Variants in PIAS2 observed in about 807,000 individuals in gnomAD.
PIAS2 encodes protein inhibitor of activated STAT 2, also known as E3 SUMO-protein ligase PIAS2.
Under a neutral mutation model 69.7 loss-of-function variants are expected in PIAS2, and 19 were observed. The ratio of observed to expected loss-of-function variants is 0.27; its 90% CI spans 0.19 to 0.40. PIAS2 has a LOEUF of 0.40. Ranked by LOEUF, PIAS2 falls within the 10% of genes least tolerant of loss-of-function variation. The pLI, the probability that PIAS2 is intolerant of heterozygous loss-of-function variation, is 1.00. For synonymous variants in PIAS2, 261 were observed against 263.2 expected (o/e 0.99, Z 0.08); for missense variants, 624 against 757.0 (o/e 0.82, Z 2.06).
chr18:46,902,598 T>C (rs145301176), intron 1 of PIAS2, among the ~76,000 whole-genome samples: 1 of 152,182 alleles, frequency 6.6e-6, no homozygotes, highest in Non-Finnish European at 1.5e-5. Context: ...ACAAATAAAT[T>C]CTTCACGGAT....
In PIAS2 at chr18:46,917,250, G is replaced by A. The variant is rs1332696021; in HGVS notation, c.24+72C>T. 4.9e-6 allele frequency: 7 copies of A among 1,422,780 alleles called. No individual in the cohort carries two copies. The African/African-American group carries it at 9.0e-5, about 18-fold the overall frequency. 88.1% of individuals were successfully genotyped at this position (1,422,780 alleles called of 1,614,324 possible). On this transcript the variant is annotated intron_variant, in intron 1 of 13. Transcript: ENST00000585916. ...CCAGAGGCACGAGCAGGCGGCGGCCGGCGACGTTGCGGTTTCCCCACCTCC... is the reference window on the plus strand; with the variant it reads ...CCAGAGGCACGAGCAGGCGGCGGCCAGCGACGTTGCGGTTTCCCCACCTCC...
intron 9 of PIAS2, chr18:46,836,099 G>A: frequency 3.4e-6 from 1 of 292,266 alleles, no homozygotes; most frequent in Non-Finnish European, 6.5e-6. Context: ...TTTCCTGTGG[G>A]CTTTATAAAA....
At chr18:46,827,693 T>C (rs1369759679) in intron 11 of PIAS2, 1 of 313,412 alleles carries the variant, frequency 3.2e-6, no homozygotes, top group African/African-American at 2.1e-5. Context: ...CCAAATTTCC[T>C]TACAAACAGG....
intron 1 of PIAS2, among the ~76,000 whole-genome samples, chr18:46,909,746 T>C (rs968920916): frequency 1.3e-5 from 2 of 152,220 alleles, no homozygotes; most frequent in African/African-American, 4.8e-5. Context: ...CAGTGAAACA[T>C]ACAAATATTC....
intron 5 of PIAS2, among the ~76,000 whole-genome samples, chr18:46,851,203 AAGG>A (rs1405482480): frequency 2.0e-5 from 3 of 152,224 alleles, no homozygotes; most frequent in African/African-American, 7.2e-5. Context: ...TACAATTTAT[AAGG>A]AGAAGGGGGC....
intron 1 of PIAS2, among the ~76,000 whole-genome samples, chr18:46,910,783 G>A (rs1005941607): frequency 6.6e-6 from 1 of 152,118 alleles, no homozygotes; most frequent in African/African-American, 2.4e-5. Context: ...AGCACACCAA[G>A]TATTTTAGAT....
chr18:46,898,500 T>C (rs2055255540), intron 1 of PIAS2, among the ~76,000 whole-genome samples: 2 of 152,162 alleles, frequency 1.3e-5, no homozygotes, highest in Admixed American at 6.5e-5. Context: ...CAAGACTCTC[T>C]CTATTAGAAA....
intron 1 of PIAS2, among the ~76,000 whole-genome samples, chr18:46,916,160 A>C (rs553579034): frequency 6.6e-6 from 1 of 152,222 alleles, no homozygotes; most frequent in African/African-American, 2.4e-5. Context: ...CACTGTGCAA[A>C]CTCCAACAAT....
intron 1 of PIAS2, among the ~76,000 whole-genome samples, chr18:46,911,471 C>T (rs1599117464): frequency 6.6e-6 from 1 of 152,186 alleles, no homozygotes; most frequent in African/African-American, 2.4e-5. Flanking sequence ...CTGCCTGGGC[C>T]TCTCAAAGTG....
chr18:46,918,696 A>T (rs2058294267), upstream of PIAS2, among the ~76,000 whole-genome samples: 1 of 152,158 alleles, frequency 6.6e-6, no homozygotes, highest in South Asian at 2.1e-4. Flanking sequence ...TACTGAGATT[A>T]CAGGCGTGAG....
intron 1 of PIAS2, among the ~76,000 whole-genome samples, chr18:46,900,537 C>T (rs2055650219): frequency 6.6e-6 from 1 of 151,630 alleles, no homozygotes; most frequent in Admixed American, 6.6e-5. Context: ...ATTACCACGG[C>T]TTGGTGGTGC....
rs114312939 is a variant in PIAS2, at chr18:46,827,796, T to C, written c.1508+163A>G. 2,542 of 533,192 alleles carry C rather than the reference T, an allele frequency of 4.8e-3. 52 individuals are homozygous for C. The highest frequency in any genetic ancestry group is 0.043 in the African/African-American group (2,272 of 52,624). 33.0% of individuals were successfully genotyped at this position (533,192 alleles called of 1,614,324 possible). On this transcript the variant is annotated intron_variant, in intron 11 of 13. Transcript: ENST00000585916. Reference sequence around the variant, plus strand: ...AAATATTTTCTCCATCAAAATTTGCTTCCTATAAACAATGTGCTTACTCGA... The same window carrying C: ...AAATATTTTCTCCATCAAAATTTGCCTCCTATAAACAATGTGCTTACTCGA...
intron 5 of PIAS2, among the ~76,000 whole-genome samples, chr18:46,851,805 T>C (rs535844735): frequency 2.1e-4 from 32 of 152,336 alleles, no homozygotes; most frequent in South Asian, 1.7e-3. Flanking sequence ...TGAAGTATAG[T>C]GGTCAACTGC....
intron 2 of PIAS2, among the ~76,000 whole-genome samples, chr18:46,882,902 G>T (rs2052515609): frequency 6.6e-6 from 1 of 152,048 alleles, no homozygotes; most frequent in Non-Finnish European, 1.5e-5. Flanking sequence ...GACCAGCCTG[G>T]ACAACATGGT....
At chr18:46,856,045 G>A (rs1204508148) in intron 3 of PIAS2, among the ~76,000 whole-genome samples, 6 of 112,882 alleles carry the variant, frequency 5.3e-5, no homozygotes, top group East Asian at 2.8e-4. Flanking sequence ...TTGCCCTGTC[G>A]CCCAGGCTGG....
chr18:46,905,425 C>A (rs2056469040), intron 1 of PIAS2, among the ~76,000 whole-genome samples: 1 of 151,550 alleles, frequency 6.6e-6, no homozygotes, highest in Admixed American at 6.6e-5. Flanking sequence ...AGGCACCCAG[C>A]TTAAGAAATT....
intron 2 of PIAS2, among the ~76,000 whole-genome samples, chr18:46,885,699 T>C (rs1414200015): frequency 2.0e-5 from 3 of 149,152 alleles, no homozygotes; most frequent in Admixed American, 2.0e-4. Context: ...AAAAAAACAG[T>C]GATAGGTAGG....
chr18:46,890,850 T>C lies in PIAS2; in HGVS notation c.229A>G (p.Thr77Ala). 6.2e-7 allele frequency: 1 copy of C among 1,614,150 alleles called. No individual in the cohort carries two copies. Among genetic ancestry groups the C allele is most frequent in the South Asian group, 1.1e-5 (1 of 91,076 alleles). The change falls in exon 2 of 14, where the codon ACA becomes GCA. Residue 77 changes from threonine to alanine, a missense_variant. This residue lies in a region of PIAS2 where 339 missense variants were observed against 408.8 expected (regional missense o/e 0.83). Coordinates refer to ENST00000585916, the MANE Select transcript of PIAS2 (RefSeq NM_004671.5). ...RTLEGLSDLS[T>A]IKSSVFSLDG... ...AAACTGAAAACCGATGATTTGATTG[T>C]GGATAAATCAGAAAGTCCTTCAAGA...
At chr18:46,899,787 G>A (rs1275729164) in intron 1 of PIAS2, among the ~76,000 whole-genome samples, 2 of 152,130 alleles carry the variant, frequency 1.3e-5, no homozygotes, top group Admixed American at 6.5e-5. Context: ...AATGATGTTC[G>A]TTTTTCACAG....
Sources: allele counts gnomAD v4.1 joint callset (sites outside exome capture counted in the v4.1 genomes callset), GRCh38; gene constraint gnomAD v4.1.1; regional missense constraint gnomAD v4.1.1; transcripts MANE v1.5; gene names NCBI Gene and HGNC (gene_info 2026-07-23, HGNC 2026-07-21).